MIGA1: variants seen among roughly 807,000 people sequenced by gnomAD.
MIGA1 encodes the protein mitoguardin 1.
MIGA1 carries 58 observed loss-of-function variants against 82.0 expected under a neutral mutation model. That is an observed-to-expected ratio of 0.71 (90% confidence interval 0.57 to 0.88). The LOEUF (loss-of-function observed/expected upper bound fraction) is 0.88, where lower values mean the gene tolerates loss of function less well. Among genes scored for constraint, MIGA1 ranks in the 40% least tolerant of loss-of-function variants. The pLI is 0.00. For synonymous variants in MIGA1, 249 were observed against 253.6 expected (o/e 0.98, Z 0.17); for missense variants, 751 against 749.1 (o/e 1.00, Z -0.03).
intron 8 of MIGA1, among the ~76,000 whole-genome samples, chr1:77,849,368 A>G (rs537566975): frequency 6.6e-5 from 10 of 152,166 alleles, no homozygotes; most frequent in African/African-American, 2.4e-4. Context: ...CTGCACTCCA[A>G]CCTGGGCGAC....
chr1:77,840,632 C>G (rs112731282), intron 7 of MIGA1, among the ~76,000 whole-genome samples: 4,780 of 152,042 alleles, frequency 0.031, 87 homozygotes, highest in Middle Eastern at 0.071. Flanking sequence ...GACCAACATG[C>G]AGAAACCCCG....
intron 5 of MIGA1, among the ~76,000 whole-genome samples, chr1:77,810,648 C>G (rs1402336845): frequency 1.3e-5 from 2 of 152,048 alleles, no homozygotes; most frequent in African/African-American, 4.8e-5. Context: ...GTTTCAAAAT[C>G]TACAATAAAC....
intron 1 of MIGA1, among the ~76,000 whole-genome samples, chr1:77,780,940 TC>T (rs1478901901): frequency 5.3e-5 from 8 of 149,768 alleles, no homozygotes; most frequent in Non-Finnish European, 1.0e-4. Context: ...GGAGTCTGGC[TC>T]TGTCGCCCAG....
At chr1:77,809,190 A>C (rs940771528) in intron 5 of MIGA1, among the ~76,000 whole-genome samples, 12 of 152,162 alleles carry the variant, frequency 7.9e-5, no homozygotes, top group African/African-American at 2.7e-4. Flanking sequence ...AAAACTAGAG[A>C]CGCCACAGGG....
chr1:77,818,144 A>T, intron 7 of MIGA1, among the ~76,000 whole-genome samples: 1 of 144,118 alleles, frequency 6.9e-6, no homozygotes, highest in Non-Finnish European at 1.5e-5. Context: ...TTTTTTTGAG[A>T]CAGAGTTTTG....
At chr1:77,869,983 C>T in intron 14 of MIGA1, among the ~76,000 whole-genome samples, 1 of 137,890 alleles carries the variant, frequency 7.3e-6, no homozygotes, top group Non-Finnish European at 1.6e-5. Context: ...CCACCTCCCT[C>T]CCGGATGGGG....
Position 77,807,085 on chromosome 1 carries a change from G to GA in MIGA1, c.623dup (p.Asn208LysfsTer11). ...TTAATATTCCTGTGACTACTCCAGA[G>GA]AACTTATACTTAATGGGTAGGAATG... On this transcript the variant is annotated frameshift_variant, in exon 5 of 16. Coordinates refer to ENST00000370791, the MANE Select transcript of MIGA1 (RefSeq NM_198549.4). LOFTEE classifies it high-confidence loss of function. 6.3e-7 allele frequency: 1 copy of GA among 1,589,058 alleles called. No individual in the cohort carries two copies. The highest frequency in any genetic ancestry group is 8.6e-7 in the Non-Finnish European group (1 of 1,160,636).
At chr1:77,844,111 AAAATATATATATATAT>A (rs1199280273) in intron 8 of MIGA1, among the ~76,000 whole-genome samples, 1 of 53,808 alleles carries the variant, frequency 1.9e-5, no homozygotes. Flanking sequence ...AAAAAAAAAA[AAAATATATATATATAT>A]ATATATATAT....
intron 5 of MIGA1, among the ~76,000 whole-genome samples, chr1:77,807,552 C>T (rs979842147): frequency 1.3e-5 from 2 of 152,146 alleles, no homozygotes; most frequent in Non-Finnish European, 1.5e-5. Flanking sequence ...GTCTTCATAA[C>T]GTCATACATT....
At chr1:77,869,233 A>G (rs1440625595) in intron 14 of MIGA1, among the ~76,000 whole-genome samples, 1 of 136,184 alleles carries the variant, frequency 7.3e-6, no homozygotes, top group Non-Finnish European at 1.6e-5. Flanking sequence ...GACACAGCAC[A>G]TGTTTCAGAG....
chr1:77,836,009 C>T (rs1684411110), intron 7 of MIGA1, among the ~76,000 whole-genome samples: 1 of 151,412 alleles, frequency 6.6e-6, no homozygotes, highest in Non-Finnish European at 1.5e-5. Flanking sequence ...GTTCTGAAAA[C>T]AAGTTAAAGT....
rs1646915349 is a variant in MIGA1 at position 77,878,928 on chromosome 1, T to G, written c.*3864T>G. 1 of 329,530 alleles carries G rather than the reference T, an allele frequency of 3.0e-6. No individual in the cohort carries two copies. The highest frequency in any genetic ancestry group is 2.1e-5 in the African/African-American group (1 of 47,568). 20.4% of individuals were successfully genotyped at this position (329,530 alleles called of 1,614,324 possible). ...TAATTTGTTGAATTAAATGCCTTTA[T>G]AAAAATATTTACAAATGTTTTCTTG... On this transcript the variant is annotated 3_prime_UTR_variant, in exon 16 of 16. Transcript: ENST00000370791.
intron 14 of MIGA1, among the ~76,000 whole-genome samples, chr1:77,866,776 C>T (rs1055585608): frequency 1.3e-5 from 2 of 150,970 alleles, no homozygotes; most frequent in African/African-American, 2.4e-5. Flanking sequence ...CTTTGCTTCC[C>T]GGGTTCAAGC....
chr1:77,811,524 A>G, intron 5 of MIGA1: 1 of 1,592,692 alleles, frequency 6.3e-7, no homozygotes, highest in East Asian at 2.2e-5. Context: ...CCTCCAGTTT[A>G]AATTCTTCTT....
intron 4 of MIGA1, among the ~76,000 whole-genome samples, chr1:77,804,570 A>G (rs961426834): frequency 3.0e-4 from 45 of 152,010 alleles, no homozygotes; most frequent in Admixed American, 2.6e-3. Flanking sequence ...AATAAAATAA[A>G]TGTGTTCCTG....
intron 1 of MIGA1, among the ~76,000 whole-genome samples, chr1:77,782,171 T>G (rs1681949828): frequency 6.6e-6 from 1 of 152,202 alleles, no homozygotes; most frequent in Non-Finnish European, 1.5e-5. Context: ...GGATTGCTGG[T>G]AATTTTTATA....
chr1:77,787,041 A>G (rs1682191874), intron 2 of MIGA1, among the ~76,000 whole-genome samples: 1 of 152,216 alleles, frequency 6.6e-6, no homozygotes, highest in Non-Finnish European at 1.5e-5. Context: ...ATCATGGCGG[A>G]AGGTGAAAGG....
At chr1:77,863,846 C>A in intron 12 of MIGA1, 48 bp from the exon 13 acceptor site, 2 of 1,358,664 alleles carry the variant, frequency 1.5e-6, no homozygotes, top group Non-Finnish European at 2.0e-6. Flanking sequence ...GATTTTATTT[C>A]AGCTCTATGT....
At chr1:77,813,127 A>G (rs1683412328) in intron 5 of MIGA1, among the ~76,000 whole-genome samples, 1 of 152,070 alleles carries the variant, frequency 6.6e-6, no homozygotes, top group South Asian at 2.1e-4. Context: ...GATTACAGGC[A>G]CGTATCACCA....
Sources: gnomAD v4.1 joint callset for allele counts (sites outside exome capture counted in the v4.1 genomes callset) on GRCh38, gnomAD v4.1.1 for gene constraint, MANE v1.5 for transcripts, NCBI Gene and HGNC (gene_info 2026-07-23, HGNC 2026-07-21) for gene names.